Variants in BAZ1A observed in about 807,000 individuals in gnomAD.
BAZ1A encodes the protein bromodomain adjacent to zinc finger domain protein 1A.
In BAZ1A, 50 loss-of-function variants were observed where a neutral mutation model predicts 185.2. The ratio of observed to expected loss-of-function variants is 0.27; its 90% CI spans 0.22 to 0.34. The LOEUF (loss-of-function observed/expected upper bound fraction) is 0.34. Among genes scored for constraint, BAZ1A ranks in the 10% least tolerant of loss-of-function variants. The pLI is 1.00. For synonymous variants in BAZ1A, 571 were observed against 615.6 expected (o/e 0.93, Z 1.07); for missense variants, 1,356 against 1,839.9 (o/e 0.74, Z 4.81).
intron 2 of BAZ1A, among the ~76,000 whole-genome samples, chr14:34,864,362 T>A (rs1331300035): frequency 1.3e-5 from 2 of 152,118 alleles, no homozygotes; most frequent in African/African-American, 4.8e-5. Context: ...CAAGCTGGTC[T>A]TGAACTCCTG....
chr14:34,873,475 G>A (rs1221184165), intron 2 of BAZ1A, among the ~76,000 whole-genome samples: 1 of 152,144 alleles, frequency 6.6e-6, no homozygotes, highest in Non-Finnish European at 1.5e-5. Flanking sequence ...ATTAAGCGAC[G>A]GGCTGAAAAT....
At chr14:34,864,829 T>C (rs1432750550) in intron 2 of BAZ1A, among the ~76,000 whole-genome samples, 1 of 146,882 alleles carries the variant, frequency 6.8e-6, no homozygotes, top group African/African-American at 2.5e-5. Context: ...CAGGCTGGAG[T>C]GTAGTGGCAT....
chr14:34,818,923 C>G (rs1350812043), intron 4 of BAZ1A, among the ~76,000 whole-genome samples: 1 of 151,920 alleles, frequency 6.6e-6, no homozygotes, highest in South Asian at 2.1e-4. Context: ...GGGCGGATCA[C>G]GAGGTCAGGA....
chr14:34,844,839 A>C (rs2138771126), intron 3 of BAZ1A, among the ~76,000 whole-genome samples: 1 of 152,274 alleles, frequency 6.6e-6, no homozygotes, highest in South Asian at 2.1e-4. Context: ...TTTCATAAAA[A>C]TAGAAAAATA....
intron 3 of BAZ1A, among the ~76,000 whole-genome samples, chr14:34,841,709 T>C (rs796210275): frequency 6.6e-6 from 1 of 152,174 alleles, no homozygotes; most frequent in Admixed American, 6.6e-5. Flanking sequence ...CCTTAATGCA[T>C]TTACCTTATT....
In BAZ1A at chr14:34,783,834, C is replaced by T; in HGVS notation, c.1925G>A (p.Arg642Gln). 1 of 1,613,178 alleles carries T rather than the reference C, an allele frequency of 6.2e-7. No individual in the cohort carries two copies. Among genetic ancestry groups the T allele is most frequent in the Non-Finnish European group, 8.5e-7 (1 of 1,179,660 alleles). Reference protein sequence around the residue: ...DFIEDYVDILRQAKQEFRELK... With the variant: ...DFIEDYVDILQQAKQEFRELK... The stretch of plus-strand genomic sequence containing the variant: ...TTCCCGGAACTCCTGCTTTGCCTGT[C>T]GTAATATATCAACATAATCTTCAAT... The change falls in exon 15 of 27, where the codon CGA (arginine) becomes CAA (glutamine). Residue 642 changes from arginine (R) to glutamine (Q), a missense_variant. Arg to Gln is a conservative substitution (Grantham distance 43). This residue lies in a region of BAZ1A where 184 missense variants were observed against 355.1 expected (regional missense o/e 0.52). Transcript: ENST00000360310.
rs1886373693 is a variant in BAZ1A, at chr14:34,758,594, A to G, written c.4386+110T>C. The G allele has an allele frequency of 2.6e-6, 3 of 1,168,098 alleles. No homozygotes were observed. The South Asian group carries it at 4.9e-5, about 19-fold the overall frequency. The allele number at this position is 1,168,098 out of a possible 1,614,324, so 72.4% of individuals were successfully genotyped here. On this transcript the variant is annotated intron_variant, in intron 25 of 26. Transcript: ENST00000360310. ...GACTGTCTCAGGAAAAAACAACAAC[A>G]ACAAAAAAAACTAGACAGTGAGTAA...
chr14:34,860,369 A>G (rs2042747973), intron 3 of BAZ1A, among the ~76,000 whole-genome samples: 1 of 151,884 alleles, frequency 6.6e-6, no homozygotes, highest in African/African-American at 2.4e-5. Context: ...TGAGTTGGAC[A>G]TGGTGGAATG....
chr14:34,827,458 G>A (rs1391008678), intron 3 of BAZ1A, among the ~76,000 whole-genome samples: 3 of 152,096 alleles, frequency 2.0e-5, no homozygotes, highest in East Asian at 1.9e-4. Context: ...AGTCATTGCC[G>A]GGCGCGGTGG....
At chr14:34,809,701 G>A (rs556897348) in intron 5 of BAZ1A, among the ~76,000 whole-genome samples, 1 of 152,084 alleles carries the variant, frequency 6.6e-6, no homozygotes, top group South Asian at 2.1e-4. Context: ...AGCTAACCAA[G>A]GCTGTAACCA....
intron 14 of BAZ1A, among the ~76,000 whole-genome samples, chr14:34,785,067 G>C (rs1231021901): frequency 1.3e-5 from 2 of 152,058 alleles, no homozygotes; most frequent in East Asian, 3.9e-4. Flanking sequence ...TGTTGGCCAG[G>C]CTGGTCTCGA....
intron 3 of BAZ1A, among the ~76,000 whole-genome samples, chr14:34,830,776 T>TTC (rs2042230793): frequency 6.7e-6 from 1 of 149,854 alleles, no homozygotes; most frequent in East Asian, 1.9e-4. Context: ...CTCCTTTTTT[T>TTC]TTTTTTTTTT....
At chr14:34,844,021 C>A (rs1255599867) in intron 3 of BAZ1A, among the ~76,000 whole-genome samples, 2 of 118,422 alleles carry the variant, frequency 1.7e-5, no homozygotes, top group Non-Finnish European at 3.5e-5. Flanking sequence ...CTGGCTAACA[C>A]GGTGAAACCC....
intron 21 of BAZ1A, among the ~76,000 whole-genome samples, chr14:34,768,385 G>C (rs1255111215): frequency 6.6e-6 from 1 of 152,124 alleles, no homozygotes. Context: ...ATGTGAAACA[G>C]GTAAACATAA....
In BAZ1A at chr14:34,874,311, G is replaced by A. The variant is rs1194510628; in HGVS notation, c.113+181C>T. The A allele has an allele frequency of 3.5e-6, 2 of 577,670 alleles. No homozygotes were observed. Among genetic ancestry groups the A allele is most frequent in the African/African-American group, 4.0e-5 (2 of 50,050 alleles). 35.8% of individuals were successfully genotyped at this position (577,670 alleles called of 1,614,324 possible). ...GCGTTCCCCACGCGCGCCGCCGCCA[G>A]TTGGCCCCGCGCGTTCTCCAGGTGG... On this transcript the variant is annotated intron_variant, in intron 2 of 26. Transcript: ENST00000360310. The surrounding 1 kb of genome is among the most constrained non-coding windows in gnomAD (Gnocchi z 4.7).
Position 34,761,874 on chromosome 14 carries a change from T to C in BAZ1A, c.4126A>G (p.Asn1376Asp), listed in dbSNP as rs1886534463. The C allele has an allele frequency of 6.2e-7, 1 of 1,614,214 alleles. No individual in the cohort carries two copies. The highest frequency in any genetic ancestry group is 8.5e-7 in the Non-Finnish European group (1 of 1,180,032). ...NTPENSPNFP[N>D]FRVIATKSSE... The stretch of plus-strand genomic sequence containing the variant: ...GACTTTGTGGCAATGACTCTGAAGT[T>C]AGGGAAGTTGGGACTATTTTCTGGT... The change falls in exon 24 of 27, where the codon AAC becomes GAC. Residue 1376 changes from asparagine to aspartate, a missense_variant. Coordinates refer to ENST00000360310, the MANE Select transcript of BAZ1A (RefSeq NM_013448.3).
At chr14:34,761,145 G>A (rs1327634473) in intron 24 of BAZ1A, among the ~76,000 whole-genome samples, 1 of 151,928 alleles carries the variant, frequency 6.6e-6, no homozygotes, top group Non-Finnish European at 1.5e-5. Flanking sequence ...CGGTGTGATG[G>A]TGCATACCTG....
intron 21 of BAZ1A, among the ~76,000 whole-genome samples, chr14:34,766,211 C>T (rs774012855): frequency 6.6e-6 from 1 of 152,148 alleles, no homozygotes; most frequent in Non-Finnish European, 1.5e-5. Flanking sequence ...AGATAATACG[C>T]ATAAGGCATT....
At chr14:34,817,049 T>C (rs914281224) in intron 4 of BAZ1A, among the ~76,000 whole-genome samples, 5 of 152,118 alleles carry the variant, frequency 3.3e-5, no homozygotes, top group African/African-American at 1.2e-4. Context: ...ACACAATACT[T>C]ATGTAAAATT....
Sources: allele counts gnomAD v4.1 joint callset (sites outside exome capture counted in the v4.1 genomes callset), GRCh38; gene constraint gnomAD v4.1.1; regional missense constraint gnomAD v4.1.1; non-coding constraint Gnocchi (gnomAD v3.1); transcripts MANE v1.5; gene names NCBI Gene and HGNC (gene_info 2026-07-23, HGNC 2026-07-21).